DNAJC13: variants seen among roughly 807,000 people sequenced by gnomAD.
DNAJC13 encodes the protein DnaJ heat shock protein family (Hsp40) member C13, also known as dnaJ homolog subfamily C member 13.
Under a neutral mutation model 290.5 loss-of-function variants are expected in DNAJC13, and 75 were observed. That is an observed-to-expected ratio of 0.26 (90% CI 0.21 to 0.31). The LOEUF is 0.31. Among genes scored for constraint, DNAJC13 ranks in the 10% least tolerant of loss-of-function variants. The pLI, the probability that DNAJC13 is intolerant of heterozygous loss-of-function variation, is 1.00. For synonymous variants in DNAJC13, 862 were observed against 892.0 expected (o/e 0.97, Z 0.60); for missense variants, 2,260 against 2,674.5 (o/e 0.85, Z 3.42).
chr3:132,455,374 T>C (rs1190073784), intron 9 of DNAJC13, among the ~76,000 whole-genome samples: 1 of 152,200 alleles, frequency 6.6e-6, no homozygotes, highest in African/African-American at 2.4e-5. Flanking sequence ...AAAAGAACTC[T>C]CATACATTGC....
At chr3:132,506,314 A>G (rs547678918) in intron 42 of DNAJC13, among the ~76,000 whole-genome samples, 1 of 151,622 alleles carries the variant, frequency 6.6e-6, no homozygotes, top group African/African-American at 2.4e-5. Context: ...AGCCTCCCAC[A>G]GTTCTGGGAT....
At chr3:132,446,607 C>A in intron 3 of DNAJC13, 57 bp downstream of exon 3, 1 of 1,258,190 alleles carries the variant, frequency 7.9e-7, no homozygotes, top group East Asian at 2.4e-5. Flanking sequence ...ATTTTAAAAG[C>A]CAGGCTGTGA....
chr3:132,441,172 G>C (rs544543697), intron 2 of DNAJC13, among the ~76,000 whole-genome samples: 2 of 152,170 alleles, frequency 1.3e-5, no homozygotes, highest in African/African-American at 4.8e-5. Flanking sequence ...AAAAGAATTC[G>C]AATGGAAGGT....
chr3:132,524,063 G>C (rs894192577), intron 51 of DNAJC13: 4 of 179,690 alleles, frequency 2.2e-5, no homozygotes, highest in Non-Finnish European at 4.7e-5. Context: ...AGTGTGTTCT[G>C]TTTGGGCATG....
At chr3:132,471,839 G>C (rs1257523421) in intron 20 of DNAJC13, among the ~76,000 whole-genome samples, 2 of 147,792 alleles carry the variant, frequency 1.4e-5, no homozygotes, top group South Asian at 4.5e-4. Flanking sequence ...CTTCCCAGAC[G>C]GGGTGGCGGC....
chr3:132,479,158 T>A (rs933315418), intron 24 of DNAJC13, 69 bp from the exon 25 acceptor site: 1 of 956,298 alleles, frequency 1.0e-6, no homozygotes, highest in Non-Finnish European at 1.6e-6. Flanking sequence ...GTTTATTTTG[T>A]CTAGTAATAG....
intron 55 of DNAJC13, chr3:132,537,041 C>A: frequency 2.2e-6 from 1 of 444,842 alleles, no homozygotes. Context: ...CAAGATGAAT[C>A]TGAATGGTGG....
intron 29 of DNAJC13, among the ~76,000 whole-genome samples, chr3:132,485,996 A>G (rs563967235): frequency 1.7e-4 from 24 of 139,864 alleles, no homozygotes; most frequent in Non-Finnish European, 3.3e-4. Context: ...CAGTTTATAT[A>G]TTTTTACATT....
At position 132,538,361 on chromosome 3, in the gene DNAJC13, C is replaced by T; in HGVS notation, c.*79C>T. On this transcript the variant is annotated 3_prime_UTR_variant, in exon 56 of 56. Coordinates refer to ENST00000260818, the MANE Select transcript of DNAJC13 (RefSeq NM_015268.4). ...TCCAGCTGATACGTTGAAGCAAACT[C>T]TTACTGCCTTTCTCCTGGTTTCATG... 1 of 1,046,580 alleles carries T rather than the reference C, an allele frequency of 9.6e-7. No individual in the cohort carries two copies. The highest frequency in any genetic ancestry group is 1.4e-6 in the Non-Finnish European group (1 of 699,078). 64.8% of individuals were successfully genotyped at this position (1,046,580 alleles called of 1,614,324 possible).
intron 32 of DNAJC13, among the ~76,000 whole-genome samples, chr3:132,492,083 A>G (rs1157196309): frequency 6.6e-6 from 1 of 152,098 alleles, no homozygotes; most frequent in Admixed American, 6.6e-5. Context: ...GCTTCTTTGG[A>G]TAATAGCCAG....
rs530748872 is a variant in DNAJC13 at position 132,443,852 on chromosome 3, T to A, written c.69-2623T>A. 3.9e-5 allele frequency among the ~76,000 whole-genome samples: 6 copies of A among 152,206 alleles called. No homozygotes were observed. The South Asian group carries it at 1.2e-3, about 32-fold the overall frequency. On this transcript the variant is annotated intron_variant, in intron 2 of 55. Coordinates refer to ENST00000260818, the MANE Select transcript of DNAJC13 (RefSeq NM_015268.4). Reference sequence around the variant, plus strand: ...AGTACTCTGCTGGGTCTAGCATGCATACAACTCCAGGATCCTTTTGCTGAG... The same window carrying A: ...AGTACTCTGCTGGGTCTAGCATGCAAACAACTCCAGGATCCTTTTGCTGAG...
chr3:132,417,908 C>T (rs1049631309), intron 1 of DNAJC13, 148 bp downstream of exon 1: 4 of 153,166 alleles, frequency 2.6e-5, no homozygotes, highest in African/African-American at 4.8e-5. Context: ...TACCCTTCCC[C>T]CAGGCTGCTG....
intron 1 of DNAJC13, among the ~76,000 whole-genome samples, chr3:132,432,424 C>T (rs951667191): frequency 7.9e-5 from 12 of 152,060 alleles, no homozygotes; most frequent in Non-Finnish European, 1.3e-4. Context: ...AGGCTGGTCT[C>T]TAACTCCTGA....
intron 1 of DNAJC13, among the ~76,000 whole-genome samples, chr3:132,422,486 T>G (rs1305757322): frequency 1.3e-5 from 2 of 152,234 alleles, no homozygotes; most frequent in Non-Finnish European, 2.9e-5. Context: ...CAACCATTAC[T>G]TTAGTTCAAA....
rs920073492 is a variant in DNAJC13 at position 132,453,617 on chromosome 3, C to G, written c.763C>G (p.Leu255Val). Residue 255 changes from leucine (L) to valine (V), a missense_variant, in exon 8 of 56, where the codon CTA (leucine) becomes GTA (valine). Physicochemically the swap from Leu to Val is conservative, Grantham distance 32 (BLOSUM62 1). Coordinates refer to ENST00000260818, the MANE Select transcript of DNAJC13 (RefSeq NM_015268.4). ...PRHSEPVKRV[L>V]ALTETCLVER... ...TTTGAAGGAGCCTGTTAAAAGAGTT[C>G]TAGCACTTACAGAAACATGTTTAGT... 1.2e-5 allele frequency: 20 copies of G among 1,613,166 alleles called. No individual in the cohort carries two copies. The highest frequency in any genetic ancestry group is 1.6e-5 in the Non-Finnish European group (19 of 1,179,788).
intron 1 of DNAJC13, among the ~76,000 whole-genome samples, chr3:132,429,541 T>C (rs1939188772): frequency 1.3e-5 from 2 of 152,174 alleles, no homozygotes; most frequent in African/African-American, 4.8e-5. Context: ...AACACCAACA[T>C]GTGATGAGTA....
rs189055941 is a variant in DNAJC13 at position 132,484,419 on chromosome 3, A to C, written c.3183-169A>C. The C allele has an allele frequency of 4.7e-4, 298 of 637,412 alleles. 1 individual carries two copies. In the African/African-American group the frequency reaches 4.7e-3, roughly 10 times the overall value. 39.5% of individuals were successfully genotyped at this position (637,412 alleles called of 1,614,324 possible). ...GAAATGAAGTCATATTAAGCAGCCA[A>C]ATAGATTTAAACCAAAATACCTAAT... On this transcript the variant is annotated intron_variant, in intron 28 of 55. Transcript: ENST00000260818.
chr3:132,513,194 C>CT (rs1191690148), intron 45 of DNAJC13, 95 bp downstream of exon 45: 5 of 1,056,414 alleles, frequency 4.7e-6, no homozygotes, highest in African/African-American at 3.2e-5. Context: ...TTGAAGTGTG[C>CT]TTTTTTGTTG....
At chr3:132,422,211 A>T (rs1938981121) in intron 1 of DNAJC13, among the ~76,000 whole-genome samples, 1 of 150,956 alleles carries the variant, frequency 6.6e-6, no homozygotes, top group Non-Finnish European at 1.5e-5. Flanking sequence ...TATTATTATT[A>T]TTTTTAGTAG....
Sources: allele counts gnomAD v4.1 joint callset (sites outside exome capture counted in the v4.1 genomes callset), GRCh38; gene constraint gnomAD v4.1.1; transcripts MANE v1.5; gene names NCBI Gene and HGNC (gene_info 2026-07-23, HGNC 2026-07-21).